Variants in SLC35F3 observed in about 807,000 individuals in gnomAD.
The protein encoded by SLC35F3 is solute carrier family 35 member F3, also known as putative thiamine transporter SLC35F3.
A neutral mutation model predicts 49.9 loss-of-function variants in SLC35F3; 25 were observed. That is an observed-to-expected ratio of 0.50 (90% CI 0.37 to 0.70). The LOEUF (loss-of-function observed/expected upper bound fraction) is 0.70. Among genes scored for constraint, SLC35F3 ranks in the 30% least tolerant of loss-of-function variants. SLC35F3 has a pLI of 0.00. For synonymous variants in SLC35F3, 275 were observed against 265.4 expected (o/e 1.04, Z -0.35); for missense variants, 525 against 639.8 (o/e 0.82, Z 1.94).
At chr1:233,963,007 A>G (rs1662830014) in intron 2 of SLC35F3, among the ~76,000 whole-genome samples, 1 of 152,222 alleles carries the variant, frequency 6.6e-6, no homozygotes, top group East Asian at 1.9e-4. Context: ...TCTTTCAACC[A>G]TGATGGGGAT....
At chr1:234,238,603 T>G (rs1317482514) in intron 3 of SLC35F3, among the ~76,000 whole-genome samples, 1 of 152,136 alleles carries the variant, frequency 6.6e-6, no homozygotes, top group Non-Finnish European at 1.5e-5. Flanking sequence ...CATTTATTTT[T>G]CCTCTGGCAT....
chr1:234,043,176 C>G (rs1426359809), intron 2 of SLC35F3, among the ~76,000 whole-genome samples: 1 of 152,192 alleles, frequency 6.6e-6, no homozygotes, highest in South Asian at 2.1e-4. Context: ...TCTCCTCCCC[C>G]TCCTCAGAGT....
At chr1:234,147,967 G>A (rs1373667555) in intron 2 of SLC35F3, among the ~76,000 whole-genome samples, 2 of 152,218 alleles carry the variant, frequency 1.3e-5, no homozygotes, top group Admixed American at 6.5e-5. Context: ...GCCTTAGGGA[G>A]GGCCACAGTG....
chr1:234,187,622 C>T (rs546983137), intron 2 of SLC35F3, among the ~76,000 whole-genome samples: 4 of 152,314 alleles, frequency 2.6e-5, no homozygotes, highest in Admixed American at 1.3e-4. Context: ...GAGGATCATC[C>T]GCCCATGAAC....
intron 3 of SLC35F3, among the ~76,000 whole-genome samples, chr1:234,249,008 C>T (rs931397606): frequency 1.3e-5 from 2 of 152,224 alleles, no homozygotes; most frequent in Admixed American, 1.3e-4. Flanking sequence ...TTTGCAGGTG[C>T]TCTGGGTGAA....
intron 2 of SLC35F3, among the ~76,000 whole-genome samples, chr1:234,121,737 C>T (rs1003926839): frequency 8.5e-5 from 13 of 152,080 alleles, no homozygotes; most frequent in African/African-American, 2.4e-4. Context: ...TGACAGGCCC[C>T]GGTGTGTGAT....
At chr1:234,290,588 C>T (rs1477785205) in intron 3 of SLC35F3, among the ~76,000 whole-genome samples, 1 of 152,200 alleles carries the variant, frequency 6.6e-6, no homozygotes, top group Non-Finnish European at 1.5e-5. Context: ...CACTCATCAA[C>T]AGGGAGTTGC....
chr1:234,112,362 C>CA (rs2102888469), intron 2 of SLC35F3, among the ~76,000 whole-genome samples: 1 of 151,908 alleles, frequency 6.6e-6, no homozygotes, highest in African/African-American at 2.4e-5. Flanking sequence ...ACAAACAAAA[C>CA]AAAAAAATCT....
At chr1:234,296,731 A>C (rs1338582570) in intron 3 of SLC35F3, among the ~76,000 whole-genome samples, 1 of 152,214 alleles carries the variant, frequency 6.6e-6, no homozygotes, top group Non-Finnish European at 1.5e-5. Flanking sequence ...GAGCATGCAA[A>C]ATAACCAGCT....
intron 2 of SLC35F3, among the ~76,000 whole-genome samples, chr1:233,922,640 TC>T (rs559944370): frequency 1.1e-4 from 16 of 152,192 alleles, no homozygotes; most frequent in Non-Finnish European, 2.4e-4. Context: ...GTGCAGCAAC[TC>T]TTTAGTTTAA....
rs909664286 is a variant in SLC35F3, at chr1:234,290,225, A to T, written c.609-18876A>T. ...AGACACAATGGAATGTTAAGAGATG[A>T]TAAGAAGCTGTAACATTTACTTCAT... On this transcript the variant is annotated intron_variant, in intron 3 of 7. Coordinates refer to ENST00000366618, the MANE Select transcript of SLC35F3 (RefSeq NM_173508.4). Among the ~76,000 whole-genome samples, 3 of 152,242 alleles carry T rather than the reference A, an allele frequency of 2.0e-5. No individual in the cohort carries two copies. In the East Asian group the frequency reaches 5.8e-4, roughly 29 times the overall value.
chr1:233,998,255 C>T (rs1663494397), intron 2 of SLC35F3, among the ~76,000 whole-genome samples: 1 of 152,002 alleles, frequency 6.6e-6, no homozygotes, highest in Non-Finnish European at 1.5e-5. Context: ...CATTCTCCTA[C>T]CTAGCTAGCT....
intron 2 of SLC35F3, among the ~76,000 whole-genome samples, chr1:234,012,697 GT>G (rs752056806): frequency 1.3e-5 from 2 of 152,210 alleles, no homozygotes; most frequent in African/African-American, 2.4e-5. Flanking sequence ...CTGGGGCAAA[GT>G]TACAAATTAA....
intron 2 of SLC35F3, among the ~76,000 whole-genome samples, chr1:234,184,760 T>C (rs893740383): frequency 3.9e-5 from 6 of 152,148 alleles, no homozygotes; most frequent in Admixed American, 1.3e-4. Flanking sequence ...AAAGAGCCCA[T>C]GATGAATAAC....
At chr1:233,920,850 A>G (rs2102787402) in intron 2 of SLC35F3, among the ~76,000 whole-genome samples, 1 of 144,308 alleles carries the variant, frequency 6.9e-6, no homozygotes, top group Non-Finnish European at 1.5e-5. Context: ...GAGCCAGCAA[A>G]AATCTGAAGC....
At chr1:234,146,971 T>C (rs1271815960) in intron 2 of SLC35F3, among the ~76,000 whole-genome samples, 1 of 152,224 alleles carries the variant, frequency 6.6e-6, no homozygotes, top group Non-Finnish European at 1.5e-5. Context: ...TAGCTGAGTA[T>C]AAAATTATAG....
intron 2 of SLC35F3, among the ~76,000 whole-genome samples, chr1:234,132,066 A>G (rs1034438408): frequency 6.6e-6 from 1 of 152,190 alleles, no homozygotes; most frequent in African/African-American, 2.4e-5. Flanking sequence ...AAAGAAAGTA[A>G]TAGGAGGTTT....
chr1:234,187,436 T>C (rs775367363), intron 2 of SLC35F3, among the ~76,000 whole-genome samples: 1 of 152,112 alleles, frequency 6.6e-6, no homozygotes, highest in Non-Finnish European at 1.5e-5. Flanking sequence ...TTCACTCGGA[T>C]GGATAGAGCA....
chr1:234,248,049 T>A (rs1250336550), intron 3 of SLC35F3, among the ~76,000 whole-genome samples: 3 of 152,180 alleles, frequency 2.0e-5, no homozygotes, highest in Admixed American at 2.0e-4. Context: ...GTAGGTTGAA[T>A]GGCTGGTCTA....
Sources: allele counts gnomAD v4.1 joint callset (sites outside exome capture counted in the v4.1 genomes callset), GRCh38; gene constraint gnomAD v4.1.1; transcripts MANE v1.5; gene names NCBI Gene and HGNC (gene_info 2026-07-23, HGNC 2026-07-21).